Variants in HDAC5 observed in about 807,000 individuals in gnomAD.
The protein encoded by HDAC5 is histone deacetylase 5.
A neutral mutation model predicts 133.3 loss-of-function variants in HDAC5; 25 were observed. The observed-to-expected ratio is 0.19, with a 90% CI of 0.14 to 0.26. HDAC5 has a LOEUF of 0.26. Ranked by LOEUF, HDAC5 falls within the 10% of genes least tolerant of loss-of-function variation. HDAC5 has a pLI of 1.00. For synonymous variants in HDAC5, 589 were observed against 610.8 expected, an observed-to-expected ratio of 0.96 and a Z score of 0.53; for missense variants, 1,041 against 1,460.5, an observed-to-expected ratio of 0.71 and a Z score of 4.68.
chr17:44,100,623 C>T (rs1215944249), intron 3 of HDAC5, among the ~76,000 whole-genome samples: 1 of 148,634 alleles, frequency 6.7e-6, no homozygotes, highest in Non-Finnish European at 1.5e-5. Flanking sequence ...TGGTGGCCCA[C>T]ACCTGTAATC....
rs2052735023 is a variant in HDAC5 at position 44,117,734 on chromosome 17, C to T, written c.-189-30G>A. On this transcript the variant is annotated intron_variant, in intron 1 of 26. Transcript: ENST00000682912. This position sits in a 1 kb window ranked among gnomAD's most constrained non-coding sequence, Gnocchi z 4.2. Reference sequence around the variant, plus strand: ...GGAGAGATGGAGCAGGGTTAGAGGCCCCTAACTCAGGAATCTGAGAGTCGA... The same window carrying T: ...GGAGAGATGGAGCAGGGTTAGAGGCTCCTAACTCAGGAATCTGAGAGTCGA... 5.0e-6 allele frequency: 3 copies of T among 603,238 alleles called. No individual in the cohort carries two copies. Among genetic ancestry groups the T allele is most frequent in the South Asian group, 1.9e-5 (1 of 51,856 alleles). 37.4% of individuals were successfully genotyped at this position (603,238 alleles called of 1,614,324 possible).
Position 44,077,381 on chromosome 17 carries a change from C to T in HDAC5, c.*995G>A, listed in dbSNP as rs2144170818. On this transcript the variant is annotated 3_prime_UTR_variant, in exon 27 of 27. Coordinates refer to ENST00000682912, the MANE Select transcript of HDAC5 (RefSeq NM_005474.5). ...GACTCCTGGATCCCTGGGTTCTGGC[C>T]TTACCCCTTCTAGAACCTCCATTCT... 1 of 152,512 alleles carries T rather than the reference C, an allele frequency of 6.6e-6. No homozygotes were observed. Among genetic ancestry groups the T allele is most frequent in the East Asian group, 1.9e-4 (1 of 5,178 alleles). 9.4% of individuals were successfully genotyped at this position (152,512 alleles called of 1,614,324 possible).
chr17:44,121,633 A>G (rs1315960857), intron 1 of HDAC5, among the ~76,000 whole-genome samples: 1 of 151,636 alleles, frequency 6.6e-6, no homozygotes, highest in African/African-American at 2.4e-5. Context: ...GGGAACACAA[A>G]TGACCCCCGC....
rs2050200151 is a variant in HDAC5, at chr17:44,078,176, CA to C, written c.*199del. On this transcript the variant is annotated 3_prime_UTR_variant, in exon 27 of 27. Transcript: ENST00000682912. ...TGGGACAGGGCTGGGAAGACACCAC[CA>C]CCCCCTGCAGAGGGAGCAGGCTTCT... 2.0e-6 allele frequency: 1 copy of C among 509,528 alleles called. No homozygotes were observed. The highest frequency in any genetic ancestry group is 3.6e-5 in the South Asian group (1 of 27,796). The allele number at this position is 509,528 out of a possible 1,614,324, so 31.6% of individuals were successfully genotyped here. A position where few individuals can be genotyped will look rare whatever the true frequency, so the allele number is the denominator to read the frequency against.
intron 2 of HDAC5, among the ~76,000 whole-genome samples, chr17:44,115,283 G>C: frequency 6.6e-6 from 1 of 152,206 alleles, no homozygotes; most frequent in East Asian, 1.9e-4. Flanking sequence ...GGAAAAGGTG[G>C]GAGGCGCTCA....
intron 3 of HDAC5, among the ~76,000 whole-genome samples, chr17:44,099,459 CTGTG>C (rs931149687): frequency 6.6e-6 from 1 of 151,868 alleles, no homozygotes; most frequent in Non-Finnish European, 1.5e-5. Flanking sequence ...GTGGGTGGGG[CTGTG>C]TGTGTTTCGT....
At chr17:44,114,451 T>C (rs2052533500) in intron 2 of HDAC5, among the ~76,000 whole-genome samples, 1 of 149,404 alleles carries the variant, frequency 6.7e-6, no homozygotes, top group Admixed American at 6.7e-5. Context: ...GGGGGGGGGC[T>C]GCTGCCCTCC....
chr17:44,080,078 T>C (rs779856507), intron 23 of HDAC5, 29 bp downstream of exon 23: 1 of 1,485,222 alleles, frequency 6.7e-7, no homozygotes, highest in Middle Eastern at 1.7e-4. Flanking sequence ...ACTGTTTCAC[T>C]TCCTCCCTCA....
chr17:44,088,329 T>C, intron 12 of HDAC5, 58 bp downstream of exon 12: 1 of 1,520,470 alleles, frequency 6.6e-7, no homozygotes, highest in African/African-American at 1.4e-5. Context: ...GCCAGCCTGG[T>C]ACTCTCCTGT....
chr17:44,111,762 C>T (rs2052361609), intron 2 of HDAC5: 3 of 469,102 alleles, frequency 6.4e-6, no homozygotes, highest in Non-Finnish European at 1.3e-5. Flanking sequence ...TGGCAGCTCC[C>T]TCCCGCTCAT....
In HDAC5 at chr17:44,079,239, C is replaced by T; in HGVS notation, c.2983G>A (p.Gly995Arg). 1.2e-6 allele frequency: 2 copies of T among 1,613,700 alleles called. No individual in the cohort carries two copies. The highest frequency in any genetic ancestry group is 1.7e-6 in the Non-Finnish European group (2 of 1,179,720). Residue 995 changes from glycine to arginine, a missense_variant, in exon 24 of 27, where the codon GGG (glycine) becomes AGG (arginine). Physicochemically the swap from Gly to Arg is moderately radical, Grantham distance 125. Coordinates refer to ENST00000682912, the MANE Select transcript of HDAC5 (RefSeq NM_005474.5). ...TCCAGGGCCAGCACCACCCGGCCCC[C>T]TGCCAGGGTCATCAGCTGCCTGGTC... ...HLTRQLMTLA[G>R]GRVVLALEGG...
At chr17:44,119,766 G>A (rs2052872783) in intron 1 of HDAC5, among the ~76,000 whole-genome samples, 1 of 152,176 alleles carries the variant, frequency 6.6e-6, no homozygotes, top group Non-Finnish European at 1.5e-5. Flanking sequence ...GACATGAAGG[G>A]GAGAAGGGGA....
chr17:44,083,768 C>A, intron 17 of HDAC5, 37 bp downstream of exon 17: 3 of 1,563,436 alleles, frequency 1.9e-6, no homozygotes, highest in Non-Finnish European at 2.6e-6. Flanking sequence ...CCTAGGAGAG[C>A]CGCCCGCCCA....
chr17:44,089,723 G>A (rs1347646652), intron 11 of HDAC5, among the ~76,000 whole-genome samples: 1 of 130,986 alleles, frequency 7.6e-6, no homozygotes, highest in Non-Finnish European at 1.5e-5. Context: ...CTCCAGCCTG[G>A]GCAACAAGAG....
At position 44,123,611 on chromosome 17, in the gene HDAC5, G is replaced by GGCTCCGCTCGCCGCC. The variant is rs1368631919; in HGVS notation, c.-312_-298dup. ...CCTCCATCTTTGCGGCGGCTCCTCC[G>GGCTCCGCTCGCCGCC]GCTCCGCTCGCCGCCGCCACCAACA... On this transcript the variant is annotated 5_prime_UTR_variant, in exon 1 of 27. Coordinates refer to ENST00000682912, the MANE Select transcript of HDAC5 (RefSeq NM_005474.5). The GGCTCCGCTCGCCGCC allele has an allele frequency of 3.0e-4, 119 of 396,692 alleles. 1 individual carries two copies. The highest frequency in any genetic ancestry group is 2.7e-5 in the Non-Finnish European group (6 of 224,976). The allele number at this position is 396,692 out of a possible 1,614,324, so 24.6% of individuals were successfully genotyped here.
chr17:44,107,026 C>A (rs1466774786), intron 3 of HDAC5, among the ~76,000 whole-genome samples: 2 of 152,094 alleles, frequency 1.3e-5, no homozygotes, highest in South Asian at 4.1e-4. Flanking sequence ...CTCATTGCAG[C>A]CTCAAACTCC....
At position 44,078,577 on chromosome 17, in the gene HDAC5, C is replaced by A. The variant is rs1209839860; in HGVS notation, c.3252G>T (p.Glu1084Asp). The A allele has an allele frequency of 5.6e-6, 9 of 1,610,502 alleles. No homozygotes were observed. The highest frequency in any genetic ancestry group is 6.8e-6 in the Non-Finnish European group (8 of 1,179,980). ...ACAGCAAGGCCATGGCGCTCACAGT[C>A]TCGGCCTCCTCGGTCTCACCTGCTT... is the stretch of plus-strand genomic sequence containing the variant. ...EAQAGETEEA[E>D]TVSAMALLSV... The change falls in exon 26 of 27, where the codon GAG becomes GAT. Residue 1084 changes from glutamate (E) to aspartate (D), a missense_variant. Glu to Asp is a conservative substitution (Grantham distance 45, BLOSUM62 2). Transcript: ENST00000682912.
At position 44,093,744 on chromosome 17, in the gene HDAC5, G is replaced by C. The variant is rs374844916; in HGVS notation, c.185C>G (p.Ala62Gly). 1 of 1,602,192 alleles carries C rather than the reference G, an allele frequency of 6.2e-7. No homozygotes were observed. Among genetic ancestry groups the C allele is most frequent in the African/African-American group, 1.3e-5 (1 of 74,724 alleles). Reference sequence around the variant, plus strand: ...TGTGGGGTCCACAGAGCCCACCAGAGCCCCCCGTAGCTCCACAGGGCTGGG... The same window carrying C: ...TGTGGGGTCCACAGAGCCCACCAGACCCCCCCGTAGCTCCACAGGGCTGGG... ...GSPSPVELRGALVGSVDPTLR... is the reference protein window; with the variant it reads ...GSPSPVELRGGLVGSVDPTLR... Residue 62 changes from alanine (A) to glycine (G), a missense_variant, in exon 4 of 27, where the codon GCT becomes GGT. Coordinates refer to ENST00000682912, the MANE Select transcript of HDAC5 (RefSeq NM_005474.5).
At chr17:44,113,010 A>C (rs919984680) in intron 2 of HDAC5, among the ~76,000 whole-genome samples, 1 of 152,134 alleles carries the variant, frequency 6.6e-6, no homozygotes, top group Non-Finnish European at 1.5e-5. Flanking sequence ...GAAGGTCTCC[A>C]TCAGTGGGGT....
Sources: allele counts gnomAD v4.1 joint callset (sites outside exome capture counted in the v4.1 genomes callset), GRCh38; gene constraint gnomAD v4.1.1; non-coding constraint Gnocchi (gnomAD v3.1); transcripts MANE v1.5; gene names NCBI Gene and HGNC (gene_info 2026-07-23, HGNC 2026-07-21).